Variants in FNDC1 observed in about 807,000 individuals in gnomAD.
FNDC1 encodes fibronectin type III domain containing 1.
A neutral mutation model predicts 168.0 loss-of-function variants in FNDC1; 96 were observed. The observed-to-expected ratio is 0.57, with a 90% CI of 0.48 to 0.68. The LOEUF is 0.68. FNDC1 is among the 30% of genes least tolerant of loss of function. FNDC1 has a pLI of 0.00. For missense variants in FNDC1, 2,587 were observed against 2,482.1 expected (o/e 1.04, Z -0.90); for synonymous variants, 1,099 against 1,025.9 (o/e 1.07, Z -1.36).
At position 159,169,631 on chromosome 6, in the gene FNDC1, C is replaced by G; in HGVS notation, c.35C>G (p.Pro12Arg). The stretch of plus-strand genomic sequence containing the variant: ...GAGGCCGGGGCGACCCTGCGCGCGC[C>G]GCGCCGGCTGTCCTGGGCGGCGCTG... ...APEAGATLRA[P>R]RRLSWAALLL... is the part of the protein sequence containing the mutation. Residue 12 changes from proline (P) to arginine (R), a missense_variant, in exon 1 of 23, where the codon CCG becomes CGG. Coordinates refer to ENST00000297267, the MANE Select transcript of FNDC1 (RefSeq NM_032532.3). This position sits in a 1 kb window ranked among gnomAD's most constrained non-coding sequence, Gnocchi z 6.8. 4.4e-6 allele frequency: 5 copies of G among 1,144,282 alleles called. No homozygotes were observed. The highest frequency in any genetic ancestry group is 5.4e-6 in the Non-Finnish European group (5 of 932,754). The allele number at this position is 1,144,282 out of a possible 1,614,324, so 70.9% of individuals were successfully genotyped here.
At chr6:159,209,663 G>A (rs1782557346) in intron 4 of FNDC1, among the ~76,000 whole-genome samples, 1 of 152,224 alleles carries the variant, frequency 6.6e-6, no homozygotes, top group Non-Finnish European at 1.5e-5. Context: ...AGGTGGTGAT[G>A]TTGTCTGGTT....
rs1777380824 is a variant in FNDC1, at chr6:159,256,638, T to C, written c.5174+7T>C. ...ACCTAAAGCCCAACACGAGGTACGA[T>C]GTGTCAGTCATTTAGAAAAGATGAG... On this transcript the variant is annotated splice_region_variant and intron_variant, in intron 18 of 22. Transcript: ENST00000297267. 2 of 1,588,764 alleles carry C rather than the reference T, an allele frequency of 1.3e-6. No homozygotes were observed. The highest frequency in any genetic ancestry group is 1.7e-6 in the Non-Finnish European group (2 of 1,157,382).
At chr6:159,270,483 A>G in intron 22 of FNDC1, among the ~76,000 whole-genome samples, 1 of 152,174 alleles carries the variant, frequency 6.6e-6, no homozygotes, top group East Asian at 1.9e-4. Flanking sequence ...TGCATTATCC[A>G]TATTCCATGG....
At position 159,233,547 on chromosome 6, in the gene FNDC1, C is replaced by G; in HGVS notation, c.3035C>G (p.Thr1012Arg). 1.3e-6 allele frequency: 2 copies of G among 1,594,158 alleles called. No homozygotes were observed. Among genetic ancestry groups the G allele is most frequent in the Non-Finnish European group, 1.7e-6 (2 of 1,173,834 alleles). The change falls in exon 11 of 23, where the codon ACG (threonine) becomes AGG (arginine). Residue 1012 changes from threonine (T) to arginine (R), a missense_variant. Thr to Arg is a moderately conservative substitution (Grantham distance 71). Transcript: ENST00000297267. The surrounding 1 kb of genome is among the most constrained non-coding windows in gnomAD (Gnocchi z 4.6). ...PQQQPPPPVA[T>R]SQHHPGPQSR... ...CAGCAGCCCCCTCCTCCCGTCGCCA[C>G]GTCCCAGCACCACCCGGGACCCCAG...
At chr6:159,252,628 G>A (rs947865077) in intron 17 of FNDC1, among the ~76,000 whole-genome samples, 2 of 152,158 alleles carry the variant, frequency 1.3e-5, no homozygotes, top group Non-Finnish European at 1.5e-5. Context: ...TACACGGACC[G>A]CCGTGAAGTC....
intron 5 of FNDC1, among the ~76,000 whole-genome samples, chr6:159,217,489 T>G (rs1295618586): frequency 6.6e-6 from 1 of 152,176 alleles, no homozygotes; most frequent in South Asian, 2.1e-4. Context: ...ACCCCGCATA[T>G]CAGCAGTTTG....
chr6:159,169,758 T>A lies in FNDC1; in HGVS notation c.109+53T>A. 2 of 705,896 alleles carry A rather than the reference T, an allele frequency of 2.8e-6. No individual in the cohort carries two copies. The highest frequency in any genetic ancestry group is 3.7e-6 in the Non-Finnish European group (2 of 536,422). The allele number at this position is 705,896 out of a possible 1,614,324, so 43.7% of individuals were successfully genotyped here. Reference sequence around the variant, plus strand: ...CTCCTCAGCTCCCCGCGCACCCTCCTGCGCTCGGGCCCCGTCGTCCCGCTC... The same window carrying A: ...CTCCTCAGCTCCCCGCGCACCCTCCAGCGCTCGGGCCCCGTCGTCCCGCTC... On this transcript the variant is annotated intron_variant, in intron 1 of 22. Transcript: ENST00000297267. The surrounding 1 kb of genome is among the most constrained non-coding windows in gnomAD (Gnocchi z 6.8).
intron 4 of FNDC1, among the ~76,000 whole-genome samples, chr6:159,209,849 A>T (rs1416794852): frequency 6.6e-6 from 1 of 152,058 alleles, no homozygotes; most frequent in Non-Finnish European, 1.5e-5. Flanking sequence ...AATCCCTGAA[A>T]ATGCAGCAAG....
chr6:159,247,030 T>C, intron 15 of FNDC1, 61 bp downstream of exon 15: 1 of 1,213,734 alleles, frequency 8.2e-7, no homozygotes, highest in Non-Finnish European at 1.2e-6. Flanking sequence ...AGGATCTGAT[T>C]GTAACTATTG....
intron 17 of FNDC1, among the ~76,000 whole-genome samples, chr6:159,252,567 T>C (rs1484226379): frequency 6.6e-6 from 1 of 152,134 alleles, no homozygotes; most frequent in African/African-American, 2.4e-5. Context: ...GGTTTGGGAT[T>C]AAGGGGTTCG....
chr6:159,254,349 A>C (rs211493), intron 17 of FNDC1, among the ~76,000 whole-genome samples: 96,192 of 151,898 alleles, frequency 0.63, 31,968 homozygotes, highest in Middle Eastern at 0.75. Flanking sequence ...CATGGTTTTA[A>C]TTCATCTCAG....
chr6:159,177,067 C>T (rs546007400), intron 1 of FNDC1, among the ~76,000 whole-genome samples: 14 of 152,146 alleles, frequency 9.2e-5, no homozygotes, highest in Middle Eastern at 3.4e-3. Context: ...ATTTATAGTG[C>T]GGGTCTTGAA....
intron 17 of FNDC1, among the ~76,000 whole-genome samples, chr6:159,255,214 G>T (rs138590474): frequency 9.2e-4 from 140 of 152,298 alleles, no homozygotes; most frequent in African/African-American, 3.3e-3. Flanking sequence ...TTCAACTTCA[G>T]CTCATGCCAC....
At chr6:159,219,381 G>A (rs1305118360) in intron 5 of FNDC1, among the ~76,000 whole-genome samples, 1 of 152,174 alleles carries the variant, frequency 6.6e-6, no homozygotes, top group East Asian at 1.9e-4. Flanking sequence ...CACAGAAAGA[G>A]GTCATCTTGA....
In FNDC1 at chr6:159,250,787, T is replaced by G. The variant is rs142182420; in HGVS notation, c.4835-515T>G. On this transcript the variant is annotated intron_variant, in intron 16 of 22. Transcript: ENST00000297267. ...AGACAGTAGTTCAGGCCGGGCCTTA[T>G]GCACAGATGCTCCAGATTGTTGTGG... Among the ~76,000 whole-genome samples the G allele has an allele frequency of 1.6e-4, 25 of 152,364 alleles. No homozygotes were observed. The East Asian group carries it at 4.8e-3, about 29-fold the overall frequency.
intron 15 of FNDC1, among the ~76,000 whole-genome samples, chr6:159,247,927 C>A (rs1439805878): frequency 2.6e-5 from 4 of 152,184 alleles, no homozygotes; most frequent in African/African-American, 9.7e-5. Context: ...ACACCCAGTG[C>A]CGGCCTTTGA....
At chr6:159,230,454 A>T (rs1783057468) in intron 10 of FNDC1, among the ~76,000 whole-genome samples, 2 of 152,176 alleles carry the variant, frequency 1.3e-5, no homozygotes, top group Non-Finnish European at 2.9e-5. Flanking sequence ...TGGCTGGGAG[A>T]TGGGTTCACT....
At position 159,234,185 on chromosome 6, in the gene FNDC1, G is replaced by T; in HGVS notation, c.3673G>T (p.Glu1225Ter). The part of the protein sequence containing the change: ...ADGSLAKEER[E>*]PAIALAPRGG... ...TGGGAGCCTCGCCAAGGAAGAGAGG[G>T]AGCCTGCCATCGCGCTTGCCCCTCG... The change falls in exon 11 of 23, where the codon GAG becomes TAG. Residue 1225 changes from glutamate (E) to a stop codon, truncating the protein, a stop_gained. Transcript: ENST00000297267. LOFTEE classifies it high-confidence loss of function. 6.3e-7 allele frequency: 1 copy of T among 1,599,990 alleles called. No homozygotes were observed.
chr6:159,174,394 C>T (rs974671594), intron 1 of FNDC1, among the ~76,000 whole-genome samples: 5 of 152,266 alleles, frequency 3.3e-5, no homozygotes, highest in African/African-American at 1.2e-4. Context: ...GAAAAACCTG[C>T]GTCTTCCTCC....
Sources: gnomAD v4.1 joint callset for allele counts (sites outside exome capture counted in the v4.1 genomes callset) on GRCh38, gnomAD v4.1.1 for gene constraint, Gnocchi (gnomAD v3.1) non-coding constraint, MANE v1.5 for transcripts, NCBI Gene and HGNC (gene_info 2026-07-23, HGNC 2026-07-21) for gene names.